The following RGS7 variants were observed in gnomAD, a reference collection of about 807,000 sequenced individuals.
RGS7 encodes regulator of G protein signaling 7.
RGS7 carries 27 observed loss-of-function variants against 81.1 expected under a neutral mutation model. The ratio of observed to expected loss-of-function variants is 0.33; its 90% confidence interval spans 0.25 to 0.46. The LOEUF is 0.46. RGS7 is among the 20% of genes least tolerant of loss of function. RGS7 has a pLI of 1.00. For synonymous variants in RGS7, 208 were observed against 207.7 expected (o/e 1.00, Z -0.01); for missense variants, 396 against 607.4 (o/e 0.65, Z 3.66).
At chr1:241,245,539 T>A (rs934341429) in intron 2 of RGS7, among the ~76,000 whole-genome samples, 3 of 150,454 alleles carry the variant, frequency 2.0e-5, no homozygotes, top group African/African-American at 7.3e-5. Flanking sequence ...CCTGGCACAG[T>A]GGCTCACGCC....
intron 3 of RGS7, among the ~76,000 whole-genome samples, chr1:241,098,073 G>A (rs898232471): frequency 2.0e-5 from 3 of 152,052 alleles, no homozygotes; most frequent in South Asian, 2.1e-4. Flanking sequence ...AATTTATCCC[G>A]AGCACTTTCA....
At chr1:241,150,424 G>GA (rs199623158) in intron 2 of RGS7, among the ~76,000 whole-genome samples, 2 of 151,090 alleles carry the variant, frequency 1.3e-5, no homozygotes, top group Admixed American at 6.6e-5. Flanking sequence ...AAGATAACCA[G>GA]AAAAAAAAAC....
intron 2 of RGS7, among the ~76,000 whole-genome samples, chr1:241,247,646 C>T (rs2076611427): frequency 6.6e-6 from 1 of 151,752 alleles, no homozygotes; most frequent in East Asian, 1.9e-4. Flanking sequence ...CAAGGAGATG[C>T]AGATTGGATT....
chr1:241,193,178 T>G (rs2072811122), intron 2 of RGS7, among the ~76,000 whole-genome samples: 2 of 152,240 alleles, frequency 1.3e-5, no homozygotes, highest in Admixed American at 6.5e-5. Flanking sequence ...ACCTATAAGA[T>G]CAGACTTAAG....
intron 6 of RGS7, among the ~76,000 whole-genome samples, chr1:240,921,638 T>C (rs2148303900): frequency 6.6e-6 from 1 of 152,160 alleles, no homozygotes; most frequent in South Asian, 2.1e-4. Flanking sequence ...AATTGAAATA[T>C]GAATTTCAAA....
intron 2 of RGS7, among the ~76,000 whole-genome samples, chr1:241,208,575 T>C (rs990831429): frequency 1.3e-5 from 2 of 152,014 alleles, no homozygotes; most frequent in Admixed American, 1.3e-4. Context: ...CCCGCCCCCA[T>C]GTAGTTACCT....
chr1:241,031,892 T>C (rs551773433), intron 3 of RGS7, among the ~76,000 whole-genome samples: 4 of 152,374 alleles, frequency 2.6e-5, no homozygotes, highest in Non-Finnish European at 5.9e-5. Flanking sequence ...CTTTGTCACA[T>C]AGTTTGCAAA....
intron 6 of RGS7, among the ~76,000 whole-genome samples, chr1:240,881,377 T>C (rs1337087658): frequency 2.0e-5 from 3 of 152,188 alleles, no homozygotes; most frequent in Admixed American, 6.5e-5. Context: ...GGAAGGATAG[T>C]ATTAGGAGAA....
intron 2 of RGS7, among the ~76,000 whole-genome samples, chr1:241,337,182 A>C (rs1181239395): frequency 2.0e-5 from 3 of 152,188 alleles, no homozygotes; most frequent in Admixed American, 6.5e-5. Context: ...AAAATTTGGC[A>C]TAAGATGGGT....
chr1:241,279,908 G>A (rs912577513), intron 2 of RGS7, among the ~76,000 whole-genome samples: 1 of 152,030 alleles, frequency 6.6e-6, no homozygotes, highest in East Asian at 1.9e-4. Flanking sequence ...CCTTTTTATA[G>A]CTAGTGGTAT....
chr1:241,219,013 G>T (rs2074737333), intron 2 of RGS7, among the ~76,000 whole-genome samples: 2 of 152,150 alleles, frequency 1.3e-5, no homozygotes, highest in African/African-American at 4.8e-5. Flanking sequence ...TAAGTGCTCT[G>T]CTTTCTGGGG....
intron 3 of RGS7, among the ~76,000 whole-genome samples, chr1:241,057,739 G>A (rs947827879): frequency 5.9e-5 from 9 of 152,004 alleles, no homozygotes; most frequent in South Asian, 2.1e-4. Context: ...GTGAAACCCC[G>A]TCTCTACTAA....
intron 6 of RGS7, among the ~76,000 whole-genome samples, chr1:240,895,901 C>T (rs1669012418): frequency 6.6e-6 from 1 of 152,184 alleles, no homozygotes; most frequent in Non-Finnish European, 1.5e-5. Context: ...TACAGTCCCA[C>T]CAACAGTGTA....
intron 4 of RGS7, among the ~76,000 whole-genome samples, chr1:240,954,194 C>T (rs1206693568): frequency 6.6e-6 from 1 of 151,866 alleles, no homozygotes; most frequent in Non-Finnish European, 1.5e-5. Flanking sequence ...GAGATGATTC[C>T]ATTTCTCCAC....
intron 2 of RGS7, among the ~76,000 whole-genome samples, chr1:241,208,218 T>A (rs2074033711): frequency 6.6e-6 from 1 of 152,072 alleles, no homozygotes; most frequent in Admixed American, 6.6e-5. Context: ...TTTGCCTTTT[T>A]TGAAAATAGA....
chr1:240,784,444 T>C (rs1333190939), intron 18 of RGS7, among the ~76,000 whole-genome samples: 1 of 151,126 alleles, frequency 6.6e-6, no homozygotes, highest in Non-Finnish European at 1.5e-5. Flanking sequence ...ATTGAGACCA[T>C]CCTGGCTAAC....
intron 2 of RGS7, among the ~76,000 whole-genome samples, chr1:241,290,799 CA>C (rs954384847): frequency 1.3e-5 from 2 of 152,180 alleles, no homozygotes; most frequent in African/African-American, 4.8e-5. Context: ...ACAGAGTTGA[CA>C]GCAAATATCT....
At chr1:241,337,710 C>A (rs768861649) in intron 2 of RGS7, among the ~76,000 whole-genome samples, 4 of 152,194 alleles carry the variant, frequency 2.6e-5, no homozygotes, top group Non-Finnish European at 5.9e-5. Context: ...TATACTAAGC[C>A]TGTCACTGCT....
intron 2 of RGS7, among the ~76,000 whole-genome samples, chr1:241,286,984 G>C (rs889872887): frequency 1.3e-5 from 2 of 152,046 alleles, no homozygotes; most frequent in Non-Finnish European, 1.5e-5. Flanking sequence ...GGAAATAATC[G>C]GTCCTTAAAT....
Sources: gnomAD v4.1 joint callset for allele counts (sites outside exome capture counted in the v4.1 genomes callset) on GRCh38, gnomAD v4.1.1 for gene constraint, MANE v1.5 for transcripts, NCBI Gene and HGNC (gene_info 2026-07-23, HGNC 2026-07-21) for gene names.